Variants in ALDH5A1 observed in about 807,000 individuals in gnomAD.
ALDH5A1 encodes succinate-semialdehyde dehydrogenase, mitochondrial.
A neutral mutation model predicts 54.7 loss-of-function variants in ALDH5A1; 33 were observed. That is an observed-to-expected ratio of 0.60 (90% CI 0.46 to 0.81). The LOEUF is 0.81. Among genes scored for constraint, ALDH5A1 ranks in the 30% least tolerant of loss-of-function variants. The pLI is 0.00. For synonymous variants in ALDH5A1, 294 were observed against 292.7 expected (o/e 1.00, Z -0.05); for missense variants, 657 against 711.0 (o/e 0.92, Z 0.86).
In ALDH5A1 at chr6:24,509,108, C is replaced by A. The variant is rs1759414180; in HGVS notation, c.726+4123C>A. On this transcript the variant is annotated intron_variant, in intron 4 of 9. Coordinates refer to ENST00000357578, the MANE Select transcript of ALDH5A1 (RefSeq NM_001080.3). The surrounding 1 kb of genome is among the most constrained non-coding windows in gnomAD (Gnocchi z 4.7). ...GACTGTTCCTTTTGCCATGCAAAAGCTCTTTAGTTTATTTAAGTCCCAGCT... is the reference window on the plus strand; with the variant it reads ...GACTGTTCCTTTTGCCATGCAAAAGATCTTTAGTTTATTTAAGTCCCAGCT... Among the ~76,000 whole-genome samples, 3 of 113,430 alleles carry A rather than the reference C, an allele frequency of 2.6e-5. 1 individual carries two copies. Among genetic ancestry groups the A allele is most frequent in the African/African-American group, 5.3e-5 (2 of 37,544 alleles). 74.4% of individuals were successfully genotyped at this position (113,430 alleles called of 152,430 possible). A position where few individuals can be genotyped will look rare whatever the true frequency, so the allele number is the denominator to read the frequency against.
Position 24,504,973 on chromosome 6 carries a change from G to C in ALDH5A1, c.714G>C (p.Leu238=), listed in dbSNP as rs368215053. The C allele has an allele frequency of 3.1e-6, 5 of 1,614,122 alleles. No homozygotes were observed. The highest frequency in any genetic ancestry group is 2.2e-5 in the East Asian group (1 of 44,878). Residue 238 remains leucine, a synonymous_variant, in exon 4 of 10, where the codon CTG becomes CTC. Transcript: ENST00000357578. Reference sequence around the variant, plus strand: ...CCGAAGACACGCCCTTCTCCGCCCTGGCCCTGGCTGAGGTGAGCCGCTCTC... The same window carrying C: ...CCGAAGACACGCCCTTCTCCGCCCTCGCCCTGGCTGAGGTGAGCCGCTCTC... ...KPAEDTPFSA[L]ALAELASQAG... is the part of the protein sequence containing the mutation.
At position 24,515,310 on chromosome 6, in the gene ALDH5A1, G is replaced by T. The variant is rs747225721; in HGVS notation, c.870G>T (p.Lys290Asn). 1 of 1,613,430 alleles carries T rather than the reference G, an allele frequency of 6.2e-7. No homozygotes were observed. The highest frequency in any genetic ancestry group is 8.5e-7 in the Non-Finnish European group (1 of 1,179,806). Reference protein sequence around the residue: ...ISFTGSTTTGKILLHHAANSV... With the variant: ...ISFTGSTTTGNILLHHAANSV... ...TTACTGGTTCAACAACTACAGGAAAGGTATGTGACTCAAGTTTCAAAGAAA... is the reference window on the plus strand; with the variant it reads ...TTACTGGTTCAACAACTACAGGAAATGTATGTGACTCAAGTTTCAAAGAAA... The change falls in exon 5 of 10, where the codon AAG becomes AAT. Residue 290 changes from lysine (K) to asparagine (N), a missense_variant and splice_region_variant. Lys to Asn is a moderately conservative substitution (Grantham distance 94). Transcript: ENST00000357578.
rs760605718 is a variant in ALDH5A1, at chr6:24,533,726, T to G, written c.*14T>G. The G allele has an allele frequency of 6.2e-7, 1 of 1,609,502 alleles. No homozygotes were observed. The highest frequency in any genetic ancestry group is 1.7e-5 in the Admixed American group (1 of 59,970). ...GGGGGCTTGTAGGATTCTTTGGTTC[T>G]TTAAAAAAATTTAAAAGGAGACTTA... On this transcript the variant is annotated 3_prime_UTR_variant, in exon 10 of 10. Transcript: ENST00000357578.
intron 4 of ALDH5A1, among the ~76,000 whole-genome samples, chr6:24,505,889 A>G (rs980274994): frequency 6.6e-6 from 1 of 151,304 alleles, no homozygotes; most frequent in African/African-American, 2.4e-5. Flanking sequence ...AATCGCTTGA[A>G]CCCTGGGGGC....
chr6:24,505,450 T>C (rs898766879), intron 4 of ALDH5A1, among the ~76,000 whole-genome samples: 1 of 151,896 alleles, frequency 6.6e-6, no homozygotes, highest in African/African-American at 2.4e-5. Context: ...CCAGTATGTC[T>C]CTGACTTCGT....
In ALDH5A1 at chr6:24,520,542, C is replaced by T. The variant is rs1218797149; in HGVS notation, c.1012C>T (p.Gln338Ter). ...AMASKFRNTG[Q>*]TCVCSNQFLV... ...GGCATCTAAATTTAGGAACACTGGA[C>T]AGGTGAGTCCTGGAGAGTATTTCAG... Residue 338 changes from glutamine to a stop codon, truncating the protein, a stop_gained and splice_region_variant, in exon 6 of 10, where the codon CAG (glutamine) becomes TAG (stop). Coordinates refer to ENST00000357578, the MANE Select transcript of ALDH5A1 (RefSeq NM_001080.3). LOFTEE classifies it high-confidence loss of function. 1 of 1,613,958 alleles carries T rather than the reference C, an allele frequency of 6.2e-7. No homozygotes were observed. The highest frequency in any genetic ancestry group is 1.7e-5 in the Admixed American group (1 of 59,970).
At chr6:24,522,975 A>G in intron 7 of ALDH5A1, 50 bp downstream of exon 7, 1 of 1,590,046 alleles carries the variant, frequency 6.3e-7, no homozygotes, top group Non-Finnish European at 8.6e-7. Flanking sequence ...TTTCAATATG[A>G]AAAGCTTAAT....
intron 7 of ALDH5A1, among the ~76,000 whole-genome samples, chr6:24,526,015 C>A (rs807518): frequency 0.9 from 137,661 of 152,158 alleles, 63,207 homozygotes; most frequent in African/African-American, 0.98. Context: ...GGCTAGGTAC[C>A]TCAGGGTAGG....
In ALDH5A1 at chr6:24,503,229, G is replaced by A. The variant is rs1352598876; in HGVS notation, c.439-34G>A. The A allele has an allele frequency of 3.7e-6, 6 of 1,607,670 alleles. No individual in the cohort carries two copies. The East Asian group carries it at 1.1e-4, about 30-fold the overall frequency. On this transcript the variant is annotated intron_variant, in intron 2 of 9. Coordinates refer to ENST00000357578, the MANE Select transcript of ALDH5A1 (RefSeq NM_001080.3). ...CAGAGCCATGCTTTTATTATTAGAA[G>A]GTAATACGTGGGTTCTTTTCTGATT... is the stretch of plus-strand genomic sequence containing the variant.
In ALDH5A1 at chr6:24,495,323, C is replaced by G; in HGVS notation, c.327C>G (p.Phe109Leu). The G allele has an allele frequency of 6.5e-7, 1 of 1,533,076 alleles. No homozygotes were observed. Among genetic ancestry groups the G allele is most frequent in the Non-Finnish European group, 8.7e-7 (1 of 1,146,412 alleles). The allele number at this position is 1,533,076 out of a possible 1,614,324, so 95.0% of individuals were successfully genotyped here. The change falls in exon 1 of 10, where the codon TTC (phenylalanine) becomes TTG (leucine). Residue 109 changes from phenylalanine to leucine, a missense_variant. This residue lies in a region of ALDH5A1 where 232 missense variants were observed against 194.6 expected (regional missense o/e 1.19). Transcript: ENST00000357578. The part of the protein sequence containing the change: ...RAAVRAAYEA[F>L]CRWREVSAKE... ...CCGTGCGCGCTGCCTACGAGGCTTT[C>G]TGCCGCTGGAGGGAGGTCTCCGCCA...
intron 1 of ALDH5A1, among the ~76,000 whole-genome samples, chr6:24,497,189 G>C (rs1764729938): frequency 6.6e-6 from 1 of 152,180 alleles, no homozygotes; most frequent in Admixed American, 6.5e-5. Context: ...GTCGCTGCTG[G>C]GTGGGTGGGG....
At position 24,520,516 on chromosome 6, in the gene ALDH5A1, TG is replaced by T; in HGVS notation, c.988del (p.Ala330HisfsTer28). On this transcript the variant is annotated frameshift_variant, in exon 6 of 10. Transcript: ENST00000357578. LOFTEE classifies it high-confidence loss of function. ...ANVDQAVAGA[M>X]ASKFRNTGQT... is the part of the protein sequence containing the mutation. The stretch of plus-strand genomic sequence containing the variant: ...GTGGACCAGGCTGTAGCAGGGGCCA[TG>T]GCATCTAAATTTAGGAACACTGGAC... 1 of 1,614,128 alleles carries T rather than the reference TG, an allele frequency of 6.2e-7. No homozygotes were observed. Among genetic ancestry groups the T allele is most frequent in the Non-Finnish European group, 8.5e-7 (1 of 1,180,012 alleles).
chr6:24,505,512 C>T (rs1759321717), intron 4 of ALDH5A1, among the ~76,000 whole-genome samples: 1 of 152,048 alleles, frequency 6.6e-6, no homozygotes, highest in South Asian at 2.1e-4. Flanking sequence ...ACCACTCTGG[C>T]CCCTGCCGCT....
rs369980939 is a variant in ALDH5A1 at position 24,503,442 on chromosome 6, C to G, written c.609+9C>G. 3.7e-6 allele frequency: 6 copies of G among 1,610,710 alleles called. No homozygotes were observed. In the African/African-American group the frequency reaches 6.7e-5, roughly 18 times the overall value. Reference sequence around the variant, plus strand: ...CTGCAGTCATCACCCCGGTAGGTGACAGGATCAGCAAGATCCTAGGGTGGG... The same window carrying G: ...CTGCAGTCATCACCCCGGTAGGTGAGAGGATCAGCAAGATCCTAGGGTGGG... On this transcript the variant is annotated intron_variant, in intron 3 of 9. Coordinates refer to ENST00000357578, the MANE Select transcript of ALDH5A1 (RefSeq NM_001080.3).
At chr6:24,499,730 A>C (rs188394776) in intron 1 of ALDH5A1, among the ~76,000 whole-genome samples, 1 of 30,998 alleles carries the variant, frequency 3.2e-5, no homozygotes, top group Non-Finnish European at 9.8e-5. Context: ...GCAGTGGCGC[A>C]GTCTCGGCTC....
intron 1 of ALDH5A1, among the ~76,000 whole-genome samples, chr6:24,501,265 T>A (rs1036586279): frequency 6.6e-6 from 1 of 152,198 alleles, no homozygotes; most frequent in African/African-American, 2.4e-5. Context: ...AGAAAAAAAG[T>A]ATTTGTTACC....
At chr6:24,529,670 G>GTTTT (rs55878931) in intron 8 of ALDH5A1, among the ~76,000 whole-genome samples, 1,635 of 86,324 alleles carry the variant, frequency 0.019, 80 homozygotes, top group Non-Finnish European at 0.027. Context: ...TTTGGTTTGG[G>GTTTT]TTTTTTTTTT....
intron 7 of ALDH5A1, among the ~76,000 whole-genome samples, chr6:24,527,432 C>A (rs578133927): frequency 6.6e-6 from 1 of 151,924 alleles, no homozygotes. Flanking sequence ...ATTAGCCGGG[C>A]GCGGTGGTGG....
intron 2 of ALDH5A1, among the ~76,000 whole-genome samples, chr6:24,502,959 GATATA>G (rs1759233247): frequency 6.6e-6 from 1 of 151,038 alleles, no homozygotes; most frequent in Non-Finnish European, 1.5e-5. Flanking sequence ...TTCTTCCATA[GATATA>G]ATAAATTATT....
Sources: allele counts gnomAD v4.1 joint callset (sites outside exome capture counted in the v4.1 genomes callset), GRCh38; gene constraint gnomAD v4.1.1; regional missense constraint gnomAD v4.1.1; non-coding constraint Gnocchi (gnomAD v3.1); transcripts MANE v1.5; gene names NCBI Gene and HGNC (gene_info 2026-07-23, HGNC 2026-07-21).